The following RB1 variants were observed in gnomAD, a reference collection of about 807,000 sequenced individuals.
RB1 encodes retinoblastoma-associated protein.
In RB1, 18 loss-of-function variants were observed where a neutral mutation model predicts 135.4. The observed-to-expected ratio is 0.13, with a 90% CI of 0.09 to 0.20. The LOEUF (loss-of-function observed/expected upper bound fraction) is 0.20, where lower values mean the gene tolerates loss of function less well. RB1 is among the 10% of genes least tolerant of loss of function. The probability of loss-of-function intolerance (pLI) is 1.00; values close to 1 mark genes in which losing one functional copy is unlikely to be tolerated. For synonymous variants in RB1, 365 were observed against 373.2 expected, an observed-to-expected ratio of 0.98 and a Z score of 0.25; for missense variants, 868 against 1,110.0, an observed-to-expected ratio of 0.78 and a Z score of 3.10.
chr13:48,453,635 T>C (rs1020666687), intron 18 of RB1, among the ~76,000 whole-genome samples: 1 of 152,082 alleles, frequency 6.6e-6, no homozygotes, highest in African/African-American at 2.4e-5. Flanking sequence ...ATCAATGTAG[T>C]AGTTTATTTT....
At chr13:48,361,142 A>G (rs1255987152) in intron 7 of RB1, among the ~76,000 whole-genome samples, 1 of 152,136 alleles carries the variant, frequency 6.6e-6, no homozygotes, top group Non-Finnish European at 1.5e-5. Context: ...AAATTTTATA[A>G]ATTTCCTTTA....
chr13:48,448,318 T>G (rs1300826386), intron 17 of RB1, among the ~76,000 whole-genome samples: 1 of 151,930 alleles, frequency 6.6e-6, no homozygotes, highest in Admixed American at 6.6e-5. Context: ...AGTTGTAGAG[T>G]CTGCTTCTTT....
At chr13:48,326,740 A>G (rs1258441752) in intron 2 of RB1, among the ~76,000 whole-genome samples, 2 of 152,152 alleles carry the variant, frequency 1.3e-5, no homozygotes, top group African/African-American at 4.8e-5. Context: ...AGTTACCACC[A>G]ATAAAACGGT....
At chr13:48,391,723 A>G (rs1948612338) in intron 17 of RB1, among the ~76,000 whole-genome samples, 1 of 151,928 alleles carries the variant, frequency 6.6e-6, no homozygotes, top group Admixed American at 6.6e-5. Context: ...GGTTCAAGCG[A>G]TTCTCCTGCC....
At chr13:48,314,336 A>G (rs996733670) in intron 2 of RB1, among the ~76,000 whole-genome samples, 9 of 152,166 alleles carry the variant, frequency 5.9e-5, no homozygotes, top group African/African-American at 2.2e-4. Context: ...ATGCATATGG[A>G]ATGTCTTTTC....
intron 17 of RB1, among the ~76,000 whole-genome samples, chr13:48,432,279 T>C (rs950333302): frequency 1.3e-5 from 2 of 152,120 alleles, no homozygotes; most frequent in Non-Finnish European, 2.9e-5. Flanking sequence ...CTCCCAGAAA[T>C]TCACTCACCA....
At chr13:48,467,410 G>A (rs1360186774) in intron 23 of RB1, among the ~76,000 whole-genome samples, 412 of 74,978 alleles carry the variant, frequency 5.5e-3, no homozygotes, top group East Asian at 0.034. Flanking sequence ...TGAAGGAAGC[G>A]CTAAACATGG....
Position 48,402,270 on chromosome 13 carries a change from A to G in RB1, c.1695+20827A>G, listed in dbSNP as rs141526938. On this transcript the variant is annotated intron_variant, in intron 17 of 26. Transcript: ENST00000267163. The stretch of plus-strand genomic sequence containing the variant: ...GCATCTGATTTAGTTGAACCCACAT[A>G]TTTTAACGGGGTCTTCTGAAAATAA... Among the ~76,000 whole-genome samples, 140 of 151,762 alleles carry G rather than the reference A, an allele frequency of 9.2e-4. 3 individuals carry two copies. In the East Asian group the frequency reaches 0.021, roughly 23 times the overall value.
chr13:48,347,001 G>A (rs1297350671), intron 4 of RB1, among the ~76,000 whole-genome samples: 1 of 151,712 alleles, frequency 6.6e-6, no homozygotes, highest in Non-Finnish European at 1.5e-5. Flanking sequence ...ATTGGTAGGA[G>A]TGATTTGGGG....
At chr13:48,347,931 C>A in intron 5 of RB1, 68 bp downstream of exon 5, 2 of 1,220,324 alleles carry the variant, frequency 1.6e-6, no homozygotes, top group South Asian at 2.5e-5. Context: ...TCTCAAACAT[C>A]TTGATAGTTA....
intron 24 of RB1, among the ~76,000 whole-genome samples, chr13:48,473,893 C>T (rs904187942): frequency 6.6e-6 from 1 of 152,132 alleles, no homozygotes; most frequent in East Asian, 1.9e-4. Flanking sequence ...ACCACACTTC[C>T]GTCTGACTTG....
At chr13:48,459,364 A>G (rs1949381390) in intron 19 of RB1, among the ~76,000 whole-genome samples, 1 of 152,164 alleles carries the variant, frequency 6.6e-6, no homozygotes, top group Admixed American at 6.5e-5. Flanking sequence ...TAAAAACTCA[A>G]AAGGACCTGG....
rs1762730930 is a variant in RB1 at position 48,480,692 on chromosome 13, A to G, written c.*621A>G. On this transcript the variant is annotated 3_prime_UTR_variant, in exon 27 of 27. Transcript: ENST00000267163. ...CTTGTTTTATAAAATTTTGCTTTTA[A>G]TTAAATAAAAGCTGGAAGCAAAGTA... The G allele has an allele frequency of 4.4e-6, 1 of 226,482 alleles. No individual in the cohort carries two copies. The highest frequency in any genetic ancestry group is 2.2e-5 in the African/African-American group (1 of 44,990). 14.0% of individuals were successfully genotyped at this position (226,482 alleles called of 1,614,324 possible). A position where few individuals can be genotyped will look rare whatever the true frequency, so the allele number is the denominator to read the frequency against.
intron 7 of RB1, 119 bp downstream of exon 7, chr13:48,360,246 G>A (rs1952627350): frequency 2.6e-6 from 4 of 1,531,014 alleles, no homozygotes; most frequent in South Asian, 2.4e-5. Context: ...ATCAGACATG[G>A]ACTTTGCCCA....
intron 2 of RB1, among the ~76,000 whole-genome samples, chr13:48,321,625 G>T (rs904463343): frequency 6.6e-6 from 1 of 152,088 alleles, no homozygotes; most frequent in African/African-American, 2.4e-5. Context: ...GGAAGCCAAG[G>T]CGGGTGGATC....
At chr13:48,408,627 A>T (rs557617385) in intron 17 of RB1, 1 of 152,270 alleles carries the variant, frequency 6.6e-6, no homozygotes, top group South Asian at 2.1e-4. Context: ...GACTTACCAC[A>T]AAGTACAACA....
At chr13:48,463,917 T>G in intron 21 of RB1, 82 bp downstream of exon 21, 24 of 847,732 alleles carry the variant, frequency 2.8e-5, no homozygotes, top group Non-Finnish European at 4.3e-5. Flanking sequence ...TCTCATTTAT[T>G]CATTAATGAG....
At chr13:48,461,951 G>A (rs941038931) in intron 20 of RB1, among the ~76,000 whole-genome samples, 1 of 152,116 alleles carries the variant, frequency 6.6e-6, no homozygotes, top group African/African-American at 2.4e-5. Flanking sequence ...TTCTGCCTCA[G>A]CCTCCTGAGT....
In RB1 at chr13:48,303,964, G is replaced by A. The variant is rs528218090; in HGVS notation, c.52G>A (p.Ala18Thr). The change falls in exon 1 of 27, where the codon GCG becomes ACG. Residue 18 changes from alanine (A) to threonine (T), a missense_variant. By Grantham distance (58) the Ala-to-Thr change is moderately conservative. Around this residue, in one of 3 missense-constraint regions of RB1, gnomAD observed 641 missense variants for 791.3 expected, o/e 0.81. Coordinates refer to ENST00000267163, the MANE Select transcript of RB1 (RefSeq NM_000321.3). Reference sequence around the variant, plus strand: ...GGCCGCCACCGCCGCCGCTGCCGCCGCGGAACCCCCGGCACCGCCGCCGCC... The same window carrying A: ...GGCCGCCACCGCCGCCGCTGCCGCCACGGAACCCCCGGCACCGCCGCCGCC... ...KTAATAAAAA[A>T]EPPAPPPPPP... The A allele has an allele frequency of 6.6e-7, 1 of 1,509,556 alleles. No homozygotes were observed. Among genetic ancestry groups the A allele is most frequent in the South Asian group, 1.2e-5 (1 of 81,502 alleles). The allele number at this position is 1,509,556 out of a possible 1,614,324, so 93.5% of individuals were successfully genotyped here.
Sources: gnomAD v4.1 joint callset for allele counts (sites outside exome capture counted in the v4.1 genomes callset) on GRCh38, gnomAD v4.1.1 for gene constraint, gnomAD v4.1.1 regional missense constraint, MANE v1.5 for transcripts, NCBI Gene and HGNC (gene_info 2026-07-23, HGNC 2026-07-21) for gene names.